Variants in PIP5K1B observed in about 807,000 individuals in gnomAD.
The protein encoded by PIP5K1B is phosphatidylinositol-4-phosphate 5-kinase type 1 beta, also known as phosphatidylinositol 4-phosphate 5-kinase type-1 beta.
In PIP5K1B, 42 loss-of-function variants were observed where a neutral mutation model predicts 67.0. The ratio of observed to expected loss-of-function variants is 0.63; its 90% CI spans 0.49 to 0.81. The LOEUF (loss-of-function observed/expected upper bound fraction) is 0.81, where lower values mean the gene tolerates loss of function less well. PIP5K1B is among the 30% of genes least tolerant of loss of function. The probability of loss-of-function intolerance (pLI) is 0.00; values close to 1 mark genes in which losing one functional copy is unlikely to be tolerated. For missense variants in PIP5K1B, 459 were observed against 646.3 expected, an observed-to-expected ratio of 0.71 and a Z score of 3.14; for synonymous variants, 214 against 231.4, an observed-to-expected ratio of 0.92 and a Z score of 0.68.
intron 2 of PIP5K1B, among the ~76,000 whole-genome samples, chr9:68,767,845 A>C (rs1587413457): frequency 6.6e-6 from 1 of 152,168 alleles, no homozygotes. Flanking sequence ...AACTAACTGA[A>C]CTATATTCTT....
At chr9:68,737,237 G>A (rs1828782986) in intron 1 of PIP5K1B, among the ~76,000 whole-genome samples, 7 of 152,154 alleles carry the variant, frequency 4.6e-5, no homozygotes, top group Admixed American at 4.6e-4. Flanking sequence ...CATTTTATTG[G>A]TGTGTTTATT....
At chr9:68,960,625 A>G (rs949134313) in intron 14 of PIP5K1B, among the ~76,000 whole-genome samples, 1 of 151,758 alleles carries the variant, frequency 6.6e-6, no homozygotes, top group Admixed American at 6.6e-5. Context: ...ATTTCCTCAA[A>G]TTTTCATACA....
At chr9:68,897,989 C>A (rs1206624197) in intron 8 of PIP5K1B, among the ~76,000 whole-genome samples, 1 of 152,140 alleles carries the variant, frequency 6.6e-6, no homozygotes, top group Non-Finnish European at 1.5e-5. Context: ...ACCTGAACAG[C>A]CTCATCCTGC....
Position 68,815,650 on chromosome 9 carries a change from A to C in PIP5K1B, c.-85-2811A>C, listed in dbSNP as rs1162284924. 3.3e-5 allele frequency among the ~76,000 whole-genome samples: 5 copies of C among 152,230 alleles called. No individual in the cohort carries two copies. The East Asian group carries it at 9.6e-4, about 29-fold the overall frequency. ...ATCCCGAGAGGAGTTATAAACAGAA[A>C]AAAACGTGAGTGCGTATAAAGAAAG... On this transcript the variant is annotated intron_variant, in intron 2 of 15. Transcript: ENST00000265382.
At chr9:68,710,217 G>C (rs1827318465) in intron 1 of PIP5K1B, among the ~76,000 whole-genome samples, 1 of 152,136 alleles carries the variant, frequency 6.6e-6, no homozygotes, top group African/African-American at 2.4e-5. Context: ...ATGGGAGTTG[G>C]AAGGAATCCT....
chr9:68,949,890 G>A lies in PIP5K1B; in HGVS notation c.1502+9100G>A, dbSNP rs529109517. Among the ~76,000 whole-genome samples the A allele has an allele frequency of 3.7e-4, 56 of 152,252 alleles. 1 individual carries two copies. In the South Asian group the frequency reaches 6.4e-3, roughly 17 times the overall value. ...CTCGGCGTTTGCCTTATTTGAACAC[G>A]GTCCGAACAGTTGGCTACATCTGAT... On this transcript the variant is annotated intron_variant, in intron 14 of 15. Coordinates refer to ENST00000265382, the MANE Select transcript of PIP5K1B (RefSeq NM_003558.4).
chr9:68,723,697 T>G (rs920873463), intron 1 of PIP5K1B, among the ~76,000 whole-genome samples: 4 of 26,478 alleles, frequency 1.5e-4, no homozygotes, highest in African/African-American at 5.8e-4. Context: ...AGTATTTGGT[T>G]TTTTTTTTTT....
At chr9:68,723,544 G>T (rs1235276428) in intron 1 of PIP5K1B, among the ~76,000 whole-genome samples, 2 of 151,932 alleles carry the variant, frequency 1.3e-5, no homozygotes, top group Non-Finnish European at 1.5e-5. Context: ...TCTTACTGGG[G>T]TGAGATGTTA....
chr9:69,002,068 G>A (rs968835719), intron 15 of PIP5K1B, among the ~76,000 whole-genome samples: 4 of 152,228 alleles, frequency 2.6e-5, no homozygotes, highest in African/African-American at 9.6e-5. Context: ...TCTACCTGCT[G>A]CTTAGTGTGG....
At chr9:68,725,942 G>A (rs1467933410) in intron 1 of PIP5K1B, among the ~76,000 whole-genome samples, 2 of 152,152 alleles carry the variant, frequency 1.3e-5, no homozygotes, top group Non-Finnish European at 2.9e-5. Context: ...TTGCATACAA[G>A]GATGATTAGT....
intron 4 of PIP5K1B, among the ~76,000 whole-genome samples, chr9:68,852,695 TAGGAAGAA>T (rs1216841295): frequency 6.6e-6 from 1 of 152,048 alleles, no homozygotes; most frequent in Non-Finnish European, 1.5e-5. Context: ...CTGGCAAAGG[TAGGAAGAA>T]GTGGATATTC....
At chr9:68,753,891 C>A (rs907400722) in intron 2 of PIP5K1B, among the ~76,000 whole-genome samples, 1 of 151,332 alleles carries the variant, frequency 6.6e-6, no homozygotes, top group Non-Finnish European at 1.5e-5. Context: ...AACTCCTGAC[C>A]TCAGGTGATC....
chr9:68,898,529 C>T (rs935025830), intron 8 of PIP5K1B, among the ~76,000 whole-genome samples: 13 of 152,168 alleles, frequency 8.5e-5, no homozygotes, highest in African/African-American at 2.9e-4. Context: ...TCAAACCATC[C>T]CCAATGGCTC....
chr9:68,708,541 G>GCAC (rs111717758), intron 1 of PIP5K1B, among the ~76,000 whole-genome samples: 1 of 145,508 alleles, frequency 6.9e-6, no homozygotes, highest in Non-Finnish European at 1.5e-5. Flanking sequence ...TTTGTTTGCC[G>GCAC]CCCCCCCGCC....
intron 8 of PIP5K1B, among the ~76,000 whole-genome samples, chr9:68,906,119 A>C (rs1402982147): frequency 6.6e-6 from 1 of 152,268 alleles, no homozygotes; most frequent in Middle Eastern, 3.4e-3. Flanking sequence ...CCTGGGCTCA[A>C]GCGATCCTCC....
At chr9:68,780,917 C>T (rs1831228928) in intron 2 of PIP5K1B, 1 of 1,614,038 alleles carries the variant, frequency 6.2e-7, no homozygotes, top group African/African-American at 1.3e-5. Context: ...GCAGCAGTGC[C>T]GGATCTTCTT....
intron 14 of PIP5K1B, among the ~76,000 whole-genome samples, chr9:68,972,635 A>G (rs993993307): frequency 8.5e-5 from 13 of 152,136 alleles, no homozygotes; most frequent in Admixed American, 6.5e-5. Flanking sequence ...AGCAAGCAAG[A>G]CTTTGTCTGA....
At position 68,801,651 on chromosome 9, in the gene PIP5K1B, T is replaced by G. The variant is rs375224410; in HGVS notation, c.-85-16810T>G. Reference sequence around the variant, plus strand: ...TTGAAAGAAGTACATTTGGTCAGGCTGGACGGAATCTCATCAAAGAGATAA... The same window carrying G: ...TTGAAAGAAGTACATTTGGTCAGGCGGGACGGAATCTCATCAAAGAGATAA... On this transcript the variant is annotated intron_variant, in intron 2 of 15. Coordinates refer to ENST00000265382, the MANE Select transcript of PIP5K1B (RefSeq NM_003558.4). Among the ~76,000 whole-genome samples the G allele has an allele frequency of 2.6e-5, 4 of 152,342 alleles. No individual in the cohort carries two copies. The East Asian group carries it at 7.7e-4, about 29-fold the overall frequency.
intron 14 of PIP5K1B, among the ~76,000 whole-genome samples, chr9:68,979,297 A>G (rs1829779693): frequency 6.6e-6 from 1 of 152,174 alleles, no homozygotes; most frequent in African/African-American, 2.4e-5. Context: ...ATAGCCAGAG[A>G]CCTCACCTAA....
Sources: allele counts gnomAD v4.1 joint callset (sites outside exome capture counted in the v4.1 genomes callset), GRCh38; gene constraint gnomAD v4.1.1; transcripts MANE v1.5; gene names NCBI Gene and HGNC (gene_info 2026-07-23, HGNC 2026-07-21).